RUNX1: variants seen among roughly 807,000 people sequenced by gnomAD.
RUNX1 encodes RUNX family transcription factor 1, also known as runt-related transcription factor 1.
A neutral mutation model predicts 42.8 loss-of-function variants in RUNX1; 19 were observed. The ratio of observed to expected loss-of-function variants is 0.44; its 90% CI spans 0.31 to 0.65. The LOEUF (loss-of-function observed/expected upper bound fraction) is 0.65, where lower values mean the gene tolerates loss of function less well. Among genes scored for constraint, RUNX1 ranks in the 30% least tolerant of loss-of-function variants. The pLI is 0.07. For missense variants in RUNX1, 528 were observed against 672.0 expected (o/e 0.79, Z 2.37); for synonymous variants, 271 against 289.4 (o/e 0.94, Z 0.64).
chr21:34,816,872 AGC>A (rs1300653200), intron 7 of RUNX1, among the ~76,000 whole-genome samples: 3 of 152,134 alleles, frequency 2.0e-5, no homozygotes, highest in Non-Finnish European at 4.4e-5. Flanking sequence ...AGCAAGAATG[AGC>A]TTCGGAAGAA....
intron 2 of RUNX1, among the ~76,000 whole-genome samples, chr21:34,894,337 C>T (rs2058111596): frequency 1.3e-5 from 2 of 152,114 alleles, no homozygotes; most frequent in South Asian, 4.1e-4. Flanking sequence ...AATAGTTCAG[C>T]AATTCTGAGG....
rs1201995651 is a variant in RUNX1, at chr21:34,846,194, C to CTTCTTTTTTTT, written c.614-11594_614-11593insAAAAAAAAGAA. On this transcript the variant is annotated intron_variant, in intron 6 of 8. Transcript: ENST00000675419. ...GAGTACTTTGTGGGTTTAAGGATGT[C>CTTCTTTTTTTT]TTTTTTTTTTTTTTTTTTTTTCAAA... Among the ~76,000 whole-genome samples the CTTCTTTTTTTT allele has an allele frequency of 2.4e-3, 249 of 102,248 alleles. 8 individuals are homozygous for CTTCTTTTTTTT. Among genetic ancestry groups the CTTCTTTTTTTT allele is most frequent in the Non-Finnish European group, 3.8e-3 (194 of 50,458 alleles). The allele number at this position is 102,248 out of a possible 152,430, so 67.1% of individuals were successfully genotyped here.
intron 7 of RUNX1, among the ~76,000 whole-genome samples, chr21:34,830,288 C>T (rs2057045006): frequency 6.6e-6 from 1 of 152,144 alleles, no homozygotes; most frequent in Non-Finnish European, 1.5e-5. Flanking sequence ...GGTAAGCCTT[C>T]TCCCTGCTCA....
intron 2 of RUNX1, among the ~76,000 whole-genome samples, chr21:35,039,113 C>T (rs1196013700): frequency 6.6e-6 from 1 of 152,186 alleles, no homozygotes; most frequent in East Asian, 1.9e-4. Context: ...ATTGCCCTGC[C>T]TAATGAGTTC....
At chr21:34,807,055 G>A (rs1177272423) in intron 7 of RUNX1, among the ~76,000 whole-genome samples, 1 of 151,878 alleles carries the variant, frequency 6.6e-6, no homozygotes, top group Non-Finnish European at 1.5e-5. Context: ...CAGGAGACTG[G>A]AGAAAATAGC....
At chr21:34,810,405 A>G (rs2056742972) in intron 7 of RUNX1, among the ~76,000 whole-genome samples, 1 of 152,214 alleles carries the variant, frequency 6.6e-6, no homozygotes, top group Non-Finnish European at 1.5e-5. Context: ...TGAATGGGGG[A>G]AAAGGAGAAT....
chr21:34,908,513 A>G (rs2058243662), intron 2 of RUNX1, among the ~76,000 whole-genome samples: 1 of 152,202 alleles, frequency 6.6e-6, no homozygotes, highest in Non-Finnish European at 1.5e-5. Flanking sequence ...TTTAACTGTC[A>G]CCAAGGGCTG....
chr21:35,015,234 C>T (rs881386), intron 2 of RUNX1, among the ~76,000 whole-genome samples: 43,918 of 152,138 alleles, frequency 0.29, 6,866 homozygotes, highest in Non-Finnish European at 0.36. Flanking sequence ...TCCTACCTAA[C>T]TCAGAGGGTT....
chr21:34,814,480 G>A (rs1382759166), intron 7 of RUNX1, among the ~76,000 whole-genome samples: 2 of 152,118 alleles, frequency 1.3e-5, no homozygotes, highest in African/African-American at 4.8e-5. Context: ...TCCCCTTTTC[G>A]ACTAGCATCA....
intron 2 of RUNX1, among the ~76,000 whole-genome samples, chr21:34,910,929 C>T (rs949135172): frequency 1.3e-5 from 2 of 152,114 alleles, no homozygotes; most frequent in African/African-American, 2.4e-5. Context: ...CGCCACCACA[C>T]CCCACTAATT....
intron 2 of RUNX1, among the ~76,000 whole-genome samples, chr21:34,925,356 T>C (rs1382046122): frequency 6.6e-6 from 1 of 152,186 alleles, no homozygotes; most frequent in Non-Finnish European, 1.5e-5. Context: ...ATGTGACCAT[T>C]TTTGAAATAG....
chr21:34,805,270 A>G (rs2056663548), intron 7 of RUNX1, among the ~76,000 whole-genome samples: 1 of 152,200 alleles, frequency 6.6e-6, no homozygotes, highest in African/African-American at 2.4e-5. Context: ...GGAATACCAG[A>G]TGGAGAAGAA....
intron 7 of RUNX1, among the ~76,000 whole-genome samples, chr21:34,802,782 CACAG>C (rs200715396): frequency 0.014 from 2,092 of 152,300 alleles, 19 homozygotes; most frequent in African/African-American, 0.026. Flanking sequence ...GAACTCAAAT[CACAG>C]ACAAATTTCA....
intron 3 of RUNX1, chr21:34,887,394 C>G (rs1416234084): frequency 7.1e-7 from 1 of 1,402,788 alleles, no homozygotes; most frequent in Non-Finnish European, 9.3e-7. Context: ...AGACTATCTT[C>G]CACGAATCTT....
At chr21:34,828,604 G>C (rs1452219513) in intron 7 of RUNX1, among the ~76,000 whole-genome samples, 2 of 152,212 alleles carry the variant, frequency 1.3e-5, no homozygotes, top group Non-Finnish European at 2.9e-5. Flanking sequence ...CTTCTCAAAA[G>C]TTCATATGTT....
chr21:35,011,337 G>A lies in RUNX1; in HGVS notation c.58+37505C>T, dbSNP rs1033302223. On this transcript the variant is annotated intron_variant, in intron 2 of 8. Coordinates refer to ENST00000675419, the MANE Select transcript of RUNX1 (RefSeq NM_001754.5). ...AATTGATCCAGGCAACTTTCCTACC[G>A]AGACTCCTTCTCAAGCCCCAGCTCC... Among the ~76,000 whole-genome samples, 7 of 152,052 alleles carry A rather than the reference G, an allele frequency of 4.6e-5. No individual in the cohort carries two copies. In the East Asian group the frequency reaches 5.8e-4, roughly 13 times the overall value.
chr21:34,854,083 G>A (rs1238417850), intron 6 of RUNX1, among the ~76,000 whole-genome samples: 1 of 152,138 alleles, frequency 6.6e-6, no homozygotes, highest in African/African-American at 2.4e-5. Flanking sequence ...CAAAGTGCTG[G>A]GATTACAGGC....
At chr21:34,847,573 T>A (rs751409078) in intron 6 of RUNX1, among the ~76,000 whole-genome samples, 6 of 152,180 alleles carry the variant, frequency 3.9e-5, no homozygotes, top group Non-Finnish European at 7.3e-5. Context: ...TCTCAATGTG[T>A]CCTCAAGAAC....
intron 7 of RUNX1, among the ~76,000 whole-genome samples, chr21:34,822,741 T>G (rs2056926424): frequency 6.6e-6 from 1 of 152,206 alleles, no homozygotes; most frequent in African/African-American, 2.4e-5. Flanking sequence ...TTTACAGATA[T>G]TTTAATAACT....
Sources: gnomAD v4.1 joint callset for allele counts (sites outside exome capture counted in the v4.1 genomes callset) on GRCh38, gnomAD v4.1.1 for gene constraint, MANE v1.5 for transcripts, NCBI Gene and HGNC (gene_info 2026-07-23, HGNC 2026-07-21) for gene names.